DGKH: variants seen among roughly 807,000 people sequenced by gnomAD.
DGKH encodes diacylglycerol kinase eta.
DGKH carries 90 observed loss-of-function variants against 159.3 expected under a neutral mutation model. That is an observed-to-expected ratio of 0.57 (90% CI 0.48 to 0.67). DGKH has a LOEUF of 0.67. Among genes scored for constraint, DGKH ranks in the 30% least tolerant of loss-of-function variants. The probability of loss-of-function intolerance (pLI) is 0.00; values close to 1 mark genes in which losing one functional copy is unlikely to be tolerated. For missense variants in DGKH, 1,181 were observed against 1,506.1 expected (o/e 0.78, Z 3.57); for synonymous variants, 536 against 553.8 (o/e 0.97, Z 0.45).
Position 42,208,982 on chromosome 13 carries a change from T to C in DGKH, c.2625T>C (p.Asp875=), listed in dbSNP as rs1206777877. ...EDDIFAAPSF[D]DKILEVVAIF... ...AGATATTTGCTGCACCATCCTTTGA[T>C]GACAAGATCCTGGAAGTTGTAGCAA... Residue 875 remains aspartate (D), a synonymous_variant, in exon 22 of 30, where the codon GAT becomes GAC. Transcript: ENST00000337343. 6.2e-7 allele frequency: 1 copy of C among 1,612,250 alleles called. No individual in the cohort carries two copies. The highest frequency in any genetic ancestry group is 8.5e-7 in the Non-Finnish European group (1 of 1,179,144).
intron 24 of DGKH, 116 bp downstream of exon 24, chr13:42,210,881 T>C (rs901160854): frequency 2.4e-6 from 2 of 830,686 alleles, no homozygotes; most frequent in Non-Finnish European, 3.7e-6. Flanking sequence ...GCAATTACTC[T>C]TCTTCACACA....
At chr13:42,187,228 T>C in intron 14 of DGKH, 80 bp downstream of exon 14, 1 of 1,213,458 alleles carries the variant, frequency 8.2e-7, no homozygotes, top group Non-Finnish European at 1.2e-6. Context: ...CTAAATTGAT[T>C]AGGTGGTTTT....
In DGKH at chr13:42,234,269, G is replaced by A. The variant is rs1958368224; in HGVS notation, c.*5081G>A. On this transcript the variant is annotated 3_prime_UTR_variant, in exon 30 of 30. Transcript: ENST00000337343. ...TTTAGCTAATTTTTATTAATAAAGA[G>A]GACAATATTTTTGTCTTCATGGAAC... 1 of 152,070 alleles carries A rather than the reference G, an allele frequency of 6.6e-6. No individual in the cohort carries two copies. The highest frequency in any genetic ancestry group is 2.1e-4 in the South Asian group (1 of 4,818). 9.4% of individuals were successfully genotyped at this position (152,070 alleles called of 1,614,324 possible).
rs751162443 is a variant in DGKH, at chr13:42,048,888, T to A, written c.115T>A (p.Ser39Thr). The A allele has an allele frequency of 2.9e-6, 4 of 1,372,426 alleles. No homozygotes were observed. In the South Asian group the frequency reaches 7.9e-5, roughly 27 times the overall value. The allele number at this position is 1,372,426 out of a possible 1,614,324, so 85.0% of individuals were successfully genotyped here. A position where few individuals can be genotyped will look rare whatever the true frequency, so the allele number is the denominator to read the frequency against. Residue 39 changes from serine to threonine, a missense_variant, in exon 1 of 30, where the codon TCT (serine) becomes ACT (threonine). Physicochemically the swap from Ser to Thr is moderately conservative, Grantham distance 58. Around this residue, in one of 5 missense-constraint regions of DGKH, gnomAD observed 136 missense variants for 132.2 expected, o/e 1.03. Transcript: ENST00000337343. This position sits in a 1 kb window ranked among gnomAD's most constrained non-coding sequence, Gnocchi z 6.7. Reference protein sequence around the residue: ...AASAGPGEDSSDSEAEQEGPQ... With the variant: ...AASAGPGEDSTDSEAEQEGPQ... Reference sequence around the variant, plus strand: ...CTCGGCGGGGCCGGGAGAGGATTCGTCTGACAGCGAAGCGGAGCAAGAGGG... The same window carrying A: ...CTCGGCGGGGCCGGGAGAGGATTCGACTGACAGCGAAGCGGAGCAAGAGGG...
chr13:42,045,845 AC>A (rs1234347806), upstream of DGKH, among the ~76,000 whole-genome samples: 2 of 152,118 alleles, frequency 1.3e-5, no homozygotes, highest in African/African-American at 2.4e-5. Context: ...TGGGTATAAA[AC>A]CCCTTTTGTT....
intron 3 of DGKH, among the ~76,000 whole-genome samples, chr13:42,134,309 G>A (rs753779139): frequency 2.1e-4 from 32 of 152,306 alleles, no homozygotes; most frequent in Admixed American, 1.6e-3. Context: ...TAAGACAGTC[G>A]TGTCAAAGGA....
At chr13:42,150,706 T>G (rs1955857960) in intron 3 of DGKH, among the ~76,000 whole-genome samples, 1 of 152,224 alleles carries the variant, frequency 6.6e-6, no homozygotes, top group African/African-American at 2.4e-5. Context: ...AGAATAGATT[T>G]CAGGTATTAT....
intron 25 of DGKH, 146 bp downstream of exon 25, chr13:42,214,758 A>G: frequency 1.9e-6 from 1 of 539,300 alleles, no homozygotes; most frequent in Non-Finnish European, 2.9e-6. Context: ...AATCGTGGAC[A>G]ACTTTTTATT....
At chr13:42,088,492 GA>G (rs1444220010) in intron 1 of DGKH, among the ~76,000 whole-genome samples, 1 of 152,114 alleles carries the variant, frequency 6.6e-6, no homozygotes, top group East Asian at 1.9e-4. Flanking sequence ...GGAGTTTGAG[GA>G]AATGGATGTT....
At chr13:42,052,326 T>C (rs74049640) in intron 1 of DGKH, among the ~76,000 whole-genome samples, 1,790 of 152,360 alleles carry the variant, frequency 0.012, 37 homozygotes, top group African/African-American at 0.039. Context: ...TGCTGTCCTC[T>C]CTACTATTTT....
intron 3 of DGKH, among the ~76,000 whole-genome samples, chr13:42,153,336 A>G (rs1955964914): frequency 6.6e-6 from 1 of 152,240 alleles, no homozygotes; most frequent in African/African-American, 2.4e-5. Flanking sequence ...TAAAGGCACT[A>G]AAGACAGTTA....
chr13:42,175,214 C>T (rs1272077805), intron 12 of DGKH, among the ~76,000 whole-genome samples: 1 of 151,986 alleles, frequency 6.6e-6, no homozygotes, highest in Non-Finnish European at 1.5e-5. Flanking sequence ...AACATGGGGC[C>T]GTTTCTTAGA....
intron 1 of DGKH, among the ~76,000 whole-genome samples, chr13:42,112,553 C>G (rs1304354983): frequency 6.6e-6 from 1 of 152,214 alleles, no homozygotes; most frequent in Non-Finnish European, 1.5e-5. Flanking sequence ...TTCAAAGTGC[C>G]TGGTCACATG....
chr13:42,078,389 A>T (rs1954138849), intron 1 of DGKH, among the ~76,000 whole-genome samples: 2 of 152,326 alleles, frequency 1.3e-5, no homozygotes, highest in African/African-American at 4.8e-5. Context: ...AGGGCTGGTG[A>T]CTAGATGCCG....
At chr13:42,203,480 G>A (rs1053543603) in intron 20 of DGKH, among the ~76,000 whole-genome samples, 11 of 152,190 alleles carry the variant, frequency 7.2e-5, no homozygotes, top group Non-Finnish European at 1.6e-4. Context: ...TTACAGATGA[G>A]CAAAGTGAAG....
chr13:42,147,107 C>G (rs1034059096), intron 3 of DGKH, among the ~76,000 whole-genome samples: 2 of 151,728 alleles, frequency 1.3e-5, no homozygotes, highest in African/African-American at 4.8e-5. Context: ...GCTGTGTGGC[C>G]GAAGGGAGGG....
chr13:42,134,482 C>G (rs1031404285), intron 3 of DGKH, among the ~76,000 whole-genome samples: 7 of 152,224 alleles, frequency 4.6e-5, no homozygotes, highest in African/African-American at 1.7e-4. Flanking sequence ...CAACCACAAA[C>G]TTAGTGGCTT....
intron 1 of DGKH, among the ~76,000 whole-genome samples, chr13:42,083,846 C>G (rs942825409): frequency 6.6e-6 from 1 of 152,148 alleles, no homozygotes; most frequent in African/African-American, 2.4e-5. Context: ...TGGAAACCAA[C>G]GATATTTTCT....
intron 3 of DGKH, among the ~76,000 whole-genome samples, chr13:42,130,664 G>C (rs764950387): frequency 6.6e-6 from 1 of 152,166 alleles, no homozygotes. Flanking sequence ...AGGGGAGACA[G>C]ACTGCTAAAC....
Sources: gnomAD v4.1 joint callset for allele counts (sites outside exome capture counted in the v4.1 genomes callset) on GRCh38, gnomAD v4.1.1 for gene constraint, gnomAD v4.1.1 regional missense constraint, Gnocchi (gnomAD v3.1) non-coding constraint, MANE v1.5 for transcripts, NCBI Gene and HGNC (gene_info 2026-07-23, HGNC 2026-07-21) for gene names.